Variants in SLC49A4 observed in about 807,000 individuals in gnomAD.
SLC49A4 encodes the protein solute carrier family 49 member 4.
SLC49A4 carries 36 observed loss-of-function variants against 50.6 expected under a neutral mutation model. The observed-to-expected ratio is 0.71, with a 90% confidence interval of 0.55 to 0.94. SLC49A4 has a LOEUF of 0.94. Among genes scored for constraint, SLC49A4 ranks in the 40% least tolerant of loss-of-function variants. SLC49A4 has a pLI of 0.00. For synonymous variants in SLC49A4, 248 were observed against 241.2 expected (o/e 1.03, Z -0.26); for missense variants, 503 against 605.7 (o/e 0.83, Z 1.78).
At chr3:122,855,580 T>C (rs1312082371) in intron 5 of SLC49A4, among the ~76,000 whole-genome samples, 1 of 152,024 alleles carries the variant, frequency 6.6e-6, no homozygotes, top group Non-Finnish European at 1.5e-5. Context: ...ATGAGGAATG[T>C]AGGCAGCATT....
At chr3:122,827,419 T>C (rs981194260) in intron 3 of SLC49A4, among the ~76,000 whole-genome samples, 1 of 152,228 alleles carries the variant, frequency 6.6e-6, no homozygotes, top group African/African-American at 2.4e-5. Context: ...TTGTTAAACA[T>C]CTATCTGTTG....
intron 1 of SLC49A4, among the ~76,000 whole-genome samples, chr3:122,803,980 C>T (rs1936173058): frequency 6.6e-6 from 1 of 152,086 alleles, no homozygotes; most frequent in South Asian, 2.1e-4. Context: ...TATAACAGTC[C>T]TATATGTCTC....
chr3:122,858,517 AC>A (rs1369215901), intron 6 of SLC49A4, among the ~76,000 whole-genome samples: 2 of 152,194 alleles, frequency 1.3e-5, no homozygotes, highest in African/African-American at 4.8e-5. Context: ...AATTTAAGTC[AC>A]TGGGCAAAAG....
At chr3:122,858,373 G>A (rs1267409005) in intron 6 of SLC49A4, among the ~76,000 whole-genome samples, 1 of 152,142 alleles carries the variant, frequency 6.6e-6, no homozygotes, top group Non-Finnish European at 1.5e-5. Context: ...AGTTTATGCA[G>A]CATACCAAAA....
intron 4 of SLC49A4, among the ~76,000 whole-genome samples, chr3:122,842,440 C>T (rs915846166): frequency 3.1e-5 from 4 of 129,222 alleles, no homozygotes; most frequent in East Asian, 2.5e-4. Flanking sequence ...GAGCCGAGAT[C>T]GCGCCACTGC....
At chr3:122,812,614 A>G (rs146412470) in intron 2 of SLC49A4, among the ~76,000 whole-genome samples, 1 of 152,324 alleles carries the variant, frequency 6.6e-6, no homozygotes, top group Non-Finnish European at 1.5e-5. Flanking sequence ...ACACTCATTT[A>G]AATTTGAGAA....
chr3:122,867,890 C>T (rs1213549933), intron 7 of SLC49A4, among the ~76,000 whole-genome samples: 2 of 148,664 alleles, frequency 1.3e-5, no homozygotes, highest in African/African-American at 5.0e-5. Context: ...CCAAGACAGG[C>T]GGATCACGAG....
At chr3:122,869,078 GT>G (rs1478292926) in intron 7 of SLC49A4, among the ~76,000 whole-genome samples, 1 of 152,186 alleles carries the variant, frequency 6.6e-6, no homozygotes, top group African/African-American at 2.4e-5. Flanking sequence ...CTCACATGAA[GT>G]GGAGTTGTGT....
At chr3:122,810,232 A>G (rs1304840866) in intron 2 of SLC49A4, among the ~76,000 whole-genome samples, 1 of 152,186 alleles carries the variant, frequency 6.6e-6, no homozygotes, top group Non-Finnish European at 1.5e-5. Context: ...ATGGTGTTCT[A>G]CTTATATATA....
intron 6 of SLC49A4, among the ~76,000 whole-genome samples, chr3:122,859,008 A>G (rs1001259388): frequency 1.3e-5 from 2 of 152,242 alleles, no homozygotes; most frequent in African/African-American, 4.8e-5. Context: ...GATGCCGTGT[A>G]TGTTTTGTTC....
At chr3:122,811,976 CT>C (rs1936306080) in intron 2 of SLC49A4, among the ~76,000 whole-genome samples, 1 of 146,686 alleles carries the variant, frequency 6.8e-6, no homozygotes, top group African/African-American at 2.5e-5. Context: ...TTTTTTTTTT[CT>C]TTTGGAAACA....
chr3:122,861,144 T>G lies in SLC49A4; in HGVS notation c.1138+942T>G, dbSNP rs533018726. 2.6e-5 allele frequency among the ~76,000 whole-genome samples: 4 copies of G among 152,336 alleles called. No homozygotes were observed. In the East Asian group the frequency reaches 7.7e-4, roughly 29 times the overall value. ...GATTACATTGGACCCACCAAGATAA[T>G]TTGGAAAAGTCTGTCAATTTTAAGG... On this transcript the variant is annotated intron_variant, in intron 7 of 8. Coordinates refer to ENST00000261038, the MANE Select transcript of SLC49A4 (RefSeq NM_032839.3).
At chr3:122,876,937 T>C (rs1348728734) in intron 8 of SLC49A4, among the ~76,000 whole-genome samples, 3 of 152,204 alleles carry the variant, frequency 2.0e-5, no homozygotes. Flanking sequence ...AGCGGAAGTA[T>C]GGGGCAGACT....
chr3:122,863,688 G>T lies in SLC49A4; in HGVS notation c.1138+3486G>T, dbSNP rs1937082821. Among the ~76,000 whole-genome samples the T allele has an allele frequency of 9.9e-5, 15 of 152,180 alleles. No individual in the cohort carries two copies. The South Asian group carries it at 3.1e-3, about 32-fold the overall frequency. On this transcript the variant is annotated intron_variant, in intron 7 of 8. Coordinates refer to ENST00000261038, the MANE Select transcript of SLC49A4 (RefSeq NM_032839.3). ...GTAAATTCATGTTTCTTTTTTACTGGTCATTCCTATTTTAATCAGGAAAAT... is the reference window on the plus strand; with the variant it reads ...GTAAATTCATGTTTCTTTTTTACTGTTCATTCCTATTTTAATCAGGAAAAT...
At chr3:122,838,417 G>A (rs1197355777) in intron 4 of SLC49A4, among the ~76,000 whole-genome samples, 4 of 152,082 alleles carry the variant, frequency 2.6e-5, no homozygotes, top group Non-Finnish European at 5.9e-5. Context: ...GGACATGGAT[G>A]AAGCTGGAAA....
intron 5 of SLC49A4, among the ~76,000 whole-genome samples, chr3:122,847,201 A>T (rs1293947991): frequency 6.6e-6 from 1 of 152,150 alleles, no homozygotes; most frequent in East Asian, 1.9e-4. Context: ...TTGGAGATCT[A>T]TCCTTATAAA....
At chr3:122,811,580 C>T (rs745333317) in intron 2 of SLC49A4, among the ~76,000 whole-genome samples, 1 of 152,078 alleles carries the variant, frequency 6.6e-6, no homozygotes, top group Non-Finnish European at 1.5e-5. Flanking sequence ...AGAAAATTAG[C>T]CCACATATAA....
chr3:122,795,088 A>C lies in SLC49A4; in HGVS notation c.-105A>C, dbSNP rs1295640578. 3.1e-5 allele frequency: 37 copies of C among 1,195,504 alleles called. No homozygotes were observed. Among genetic ancestry groups the C allele is most frequent in the Non-Finnish European group, 3.9e-5 (37 of 958,206 alleles). The allele number at this position is 1,195,504 out of a possible 1,614,324, so 74.1% of individuals were successfully genotyped here. A position where few individuals can be genotyped will look rare whatever the true frequency, so the allele number is the denominator to read the frequency against. ...AGGCGCGGTCCGGAGGCCGAGGGCG[A>C]CCACAGCAGCCTCCGCCTCCTGCTG... On this transcript the variant is annotated 5_prime_UTR_variant, in exon 1 of 9. Transcript: ENST00000261038.
intron 3 of SLC49A4, 122 bp from the exon 4 acceptor site, chr3:122,833,194 TC>T: frequency 1.1e-6 from 1 of 934,528 alleles, no homozygotes; most frequent in Non-Finnish European, 1.6e-6. Flanking sequence ...TGAGCCATGT[TC>T]ATGCCACTGC....
Sources: gnomAD v4.1 joint callset for allele counts (sites outside exome capture counted in the v4.1 genomes callset) on GRCh38, gnomAD v4.1.1 for gene constraint, MANE v1.5 for transcripts, NCBI Gene and HGNC (gene_info 2026-07-23, HGNC 2026-07-21) for gene names.